LINGO1: variants seen among roughly 807,000 people sequenced by gnomAD.
The protein encoded by LINGO1 is leucine rich repeat and Ig domain containing 1.
In LINGO1, 11 loss-of-function variants were observed where a neutral mutation model predicts 37.3. That is an observed-to-expected ratio of 0.29 (90% confidence interval 0.19 to 0.49). The LOEUF (loss-of-function observed/expected upper bound fraction) is 0.49. Among genes scored for constraint, LINGO1 ranks in the 20% least tolerant of loss-of-function variants. The pLI is 0.99. For missense variants in LINGO1, 585 were observed against 878.2 expected (o/e 0.67, Z 4.22); for synonymous variants, 387 against 403.0 (o/e 0.96, Z 0.48).
At chr15:77,739,677 G>T (rs545748268) in intron 1 of LINGO1, among the ~76,000 whole-genome samples, 9 of 152,252 alleles carry the variant, frequency 5.9e-5, no homozygotes, top group Non-Finnish European at 8.8e-5. Context: ...CAGCCTGGGG[G>T]TGACAAGTTG....
Position 77,615,229 on chromosome 15 carries a change from G to T in LINGO1, c.678C>A (p.Asn226Lys), listed in dbSNP as rs772119140. The change falls in exon 2 of 2, where the codon AAC becomes AAA. Residue 226 changes from asparagine to lysine, a missense_variant. Physicochemically the swap from Asn to Lys is moderately conservative, Grantham distance 94. Transcript: ENST00000355300. ...AGGAGTAGTCCCGGATGGCATTGAT[G>T]TTGAGGTGCCGGAGCCTCAGGACGA... ...GLIVLRLRHL[N>K]INAIRDYSFK... 5 of 1,613,768 alleles carry T rather than the reference G, an allele frequency of 3.1e-6. No individual in the cohort carries two copies. The highest frequency in any genetic ancestry group is 4.2e-6 in the Non-Finnish European group (5 of 1,179,818).
chr15:77,623,460 G>C (rs775996008), intron 1 of LINGO1, among the ~76,000 whole-genome samples: 3 of 152,234 alleles, frequency 2.0e-5, no homozygotes, highest in Non-Finnish European at 4.4e-5. Context: ...AATGGCATAA[G>C]GTAGGAGCTG....
intron 2 of LINGO1, among the ~76,000 whole-genome samples, chr15:77,721,255 A>C (rs2076047145): frequency 4.1e-5 from 6 of 146,792 alleles, no homozygotes; most frequent in Non-Finnish European, 6.0e-5. Context: ...AGCTCACTCC[A>C]CTCTAGCCAC....
chr15:77,649,962 C>CA (rs1299722301), intron 3 of LINGO1, among the ~76,000 whole-genome samples: 1 of 152,226 alleles, frequency 6.6e-6, no homozygotes, highest in Admixed American at 6.5e-5. Flanking sequence ...CAGGTCCACC[C>CA]AGCCACTGGG....
intron 1 of LINGO1, among the ~76,000 whole-genome samples, chr15:77,774,804 G>A (rs1242852115): frequency 6.6e-6 from 1 of 152,212 alleles, no homozygotes; most frequent in Non-Finnish European, 1.5e-5. Context: ...ATCAGTGGGT[G>A]CACCTGGATT....
chr15:77,768,558 T>C (rs1304195359), intron 1 of LINGO1, among the ~76,000 whole-genome samples: 1 of 152,264 alleles, frequency 6.6e-6, no homozygotes, highest in African/African-American at 2.4e-5. Context: ...CCTGGTTTAC[T>C]CACAGGGACA....
chr15:77,623,374 A>G (rs28575171), intron 1 of LINGO1, among the ~76,000 whole-genome samples: 26,000 of 152,202 alleles, frequency 0.17, 4,590 homozygotes, highest in African/African-American at 0.45. Context: ...TCCTGACCCC[A>G]GTCCCTGGAC....
intron 2 of LINGO1, among the ~76,000 whole-genome samples, chr15:77,686,464 G>A (rs1315189629): frequency 1.3e-5 from 2 of 152,232 alleles, no homozygotes; most frequent in Non-Finnish European, 2.9e-5. Context: ...TGCCCAGCCT[G>A]GCTACTTCAA....
intron 3 of LINGO1, among the ~76,000 whole-genome samples, chr15:77,658,438 G>A (rs1010808172): frequency 2.0e-5 from 3 of 152,238 alleles, no homozygotes; most frequent in African/African-American, 4.8e-5. Context: ...GCTGAGCACC[G>A]TTCTCACCGC....
chr15:77,747,660 G>A (rs1308656458), intron 1 of LINGO1, among the ~76,000 whole-genome samples: 2 of 152,210 alleles, frequency 1.3e-5, no homozygotes, highest in Non-Finnish European at 2.9e-5. Context: ...TGGGGGAGGG[G>A]AGTGGAAGAA....
intron 1 of LINGO1, among the ~76,000 whole-genome samples, chr15:77,747,708 C>T (rs909265546): frequency 3.3e-5 from 5 of 152,216 alleles, no homozygotes; most frequent in African/African-American, 9.6e-5. Context: ...CAGAGCCAGG[C>T]GGGCCCCCGC....
intron 3 of LINGO1, chr15:77,667,022 A>T (rs2075144718): frequency 1.3e-5 from 2 of 152,382 alleles, no homozygotes; most frequent in Admixed American, 1.3e-4. Context: ...TGGTTGGAGG[A>T]GAGGATACTG....
upstream of LINGO1, among the ~76,000 whole-genome samples, chr15:77,636,624 C>T (rs1388154650): frequency 6.6e-6 from 1 of 152,056 alleles, no homozygotes; most frequent in Non-Finnish European, 1.5e-5. Flanking sequence ...TGCTGTGTGA[C>T]CTTGAGGGGG....
At position 77,730,862 on chromosome 15, in the gene LINGO1, C is replaced by T. The variant is rs115068276; in HGVS notation, c.-195+4130G>A. ...CCACAGAAAGGCTGGTAAATGACAG[C>T]TGGGGCAGGGTCCTGGCTCTTCAGC... On this transcript the variant is annotated intron_variant, in intron 2 of 3. Coordinates refer to the LINGO1 transcript ENST00000561686. Among the ~76,000 whole-genome samples the T allele has an allele frequency of 3.6e-3, 542 of 152,326 alleles. 5 individuals carry two copies. Among genetic ancestry groups the T allele is most frequent in the African/African-American group, 0.012 (507 of 41,578 alleles).
chr15:77,812,502 A>T (rs1170526466), intron 1 of LINGO1, among the ~76,000 whole-genome samples: 1 of 152,104 alleles, frequency 6.6e-6, no homozygotes, highest in Non-Finnish European at 1.5e-5. Flanking sequence ...GGTGGGCAAA[A>T]GCTCCCCAGC....
At chr15:77,739,276 C>A (rs561336647) in intron 1 of LINGO1, among the ~76,000 whole-genome samples, 108 of 152,338 alleles carry the variant, frequency 7.1e-4, no homozygotes, top group Admixed American at 1.5e-3. Context: ...TCCCTTCCCC[C>A]CTTGGAGCTG....
At chr15:77,756,602 C>T (rs1327906837) in intron 1 of LINGO1, among the ~76,000 whole-genome samples, 5 of 152,192 alleles carry the variant, frequency 3.3e-5, no homozygotes, top group African/African-American at 1.2e-4. Context: ...CCAGGCTCAG[C>T]AGCCCTGGTT....
At position 77,615,008 on chromosome 15, in the gene LINGO1, C is replaced by T. The variant is rs1205490606; in HGVS notation, c.899G>A (p.Ser300Asn). The T allele has an allele frequency of 2.5e-6, 4 of 1,613,846 alleles. No homozygotes were observed. The highest frequency in any genetic ancestry group is 2.5e-6 in the Non-Finnish European group (3 of 1,179,898). Residue 300 changes from serine to asparagine, a missense_variant, in exon 2 of 2, where the codon AGC becomes AAC. Physicochemically the swap from Ser to Asn is conservative, Grantham distance 46. Around this residue, in one of 4 missense-constraint regions of LINGO1, gnomAD observed 484 missense variants for 735.0 expected, o/e 0.66. Transcript: ENST00000355300. Reference sequence around the variant, plus strand: ...ATGCAACATGGAGCCCTCAATGGTGCTGATGGGGTTGTAGGAGAGGTTGAG... The same window carrying T: ...ATGCAACATGGAGCCCTCAATGGTGTTGATGGGGTTGTAGGAGAGGTTGAG... ...RFLNLSYNPI[S>N]TIEGSMLHEL...
intron 2 of LINGO1, among the ~76,000 whole-genome samples, chr15:77,734,628 C>G (rs2141337540): frequency 6.6e-6 from 1 of 151,976 alleles, no homozygotes. Flanking sequence ...CAGCTCTGCT[C>G]CTCCTCCAGG....
Sources: gnomAD v4.1 joint callset for allele counts (sites outside exome capture counted in the v4.1 genomes callset) on GRCh38, gnomAD v4.1.1 for gene constraint, gnomAD v4.1.1 regional missense constraint, MANE v1.5 for transcripts, NCBI Gene and HGNC (gene_info 2026-07-23, HGNC 2026-07-21) for gene names.